CPXM2: variants seen among roughly 807,000 people sequenced by gnomAD.
CPXM2 encodes carboxypeptidase X, M14 family member 2.
In CPXM2, 66 loss-of-function variants were observed where a neutral mutation model predicts 86.1. That is an observed-to-expected ratio of 0.77 (90% CI 0.63 to 0.94). The LOEUF is 0.94. Among genes scored for constraint, CPXM2 ranks in the 40% least tolerant of loss-of-function variants. The pLI, the probability that CPXM2 is intolerant of heterozygous loss-of-function variation, is 0.00. For synonymous variants in CPXM2, 388 were observed against 400.2 expected (o/e 0.97, Z 0.36); for missense variants, 948 against 1,026.3 (o/e 0.92, Z 1.04).
chr10:123,851,094 T>C (rs569089153), intron 3 of CPXM2, among the ~76,000 whole-genome samples: 3 of 152,338 alleles, frequency 2.0e-5, no homozygotes, highest in East Asian at 1.9e-4. Flanking sequence ...TGACGACTAA[T>C]GGTGGAAAGC....
intron 4 of CPXM2, among the ~76,000 whole-genome samples, chr10:123,836,757 C>T (rs557482921): frequency 6.6e-6 from 1 of 152,342 alleles, no homozygotes; most frequent in African/African-American, 2.4e-5. Flanking sequence ...GCACTGCTCC[C>T]CACCTTAACT....
intron 4 of CPXM2, among the ~76,000 whole-genome samples, chr10:123,824,244 A>T (rs990021609): frequency 6.6e-6 from 1 of 152,216 alleles, no homozygotes; most frequent in Non-Finnish European, 1.5e-5. Flanking sequence ...TTCTAAATGT[A>T]TTGCCAATTG....
rs1454746251 is a variant in CPXM2 at position 123,746,856 on chromosome 10, G to A, written c.2179C>T (p.Arg727Ter). 3.7e-6 allele frequency: 6 copies of A among 1,613,994 alleles called. No homozygotes were observed. The highest frequency in any genetic ancestry group is 2.2e-5 in the South Asian group (2 of 91,074). ...TTCCCAAACTTCTCCATGATCTCTC[G>A]GATCCTGGCCATGTTGGTTTTGCTA... ...TLSKTNMARI[R>*]EIMEKFGKQP... Residue 727 changes from arginine (R) to a stop codon, truncating the protein, a stop_gained, in exon 14 of 14, where the codon CGA (arginine) becomes TGA (stop). Transcript: ENST00000241305. LOFTEE classifies it high-confidence loss of function.
rs559240905 is a variant in CPXM2, at chr10:123,805,037, C to A, written c.654-5838G>T. Among the ~76,000 whole-genome samples, 8 of 152,162 alleles carry A rather than the reference C, an allele frequency of 5.3e-5. No homozygotes were observed. The South Asian group carries it at 1.5e-3, about 28-fold the overall frequency. On this transcript the variant is annotated intron_variant, in intron 4 of 13. Transcript: ENST00000241305. ...CACATTCATTTTACATACTTGTCAT[C>A]TCAGAGTTCTAAGAGGACATCCATC...
intron 6 of CPXM2, among the ~76,000 whole-genome samples, chr10:123,780,473 C>T (rs558215735): frequency 9.9e-5 from 15 of 152,266 alleles, no homozygotes; most frequent in Admixed American, 2.6e-4. Context: ...TTCAAATCTC[C>T]GCTCTTCTAC....
intron 4 of CPXM2, among the ~76,000 whole-genome samples, chr10:123,826,037 CTGG>C (rs1331627844): frequency 2.6e-5 from 4 of 152,278 alleles, no homozygotes; most frequent in East Asian, 3.9e-4. Flanking sequence ...CAAACATCTA[CTGG>C]ATGGTGACGA....
chr10:123,863,782 C>T (rs1012375285), intron 2 of CPXM2, among the ~76,000 whole-genome samples: 3 of 152,214 alleles, frequency 2.0e-5, no homozygotes, highest in African/African-American at 7.2e-5. Flanking sequence ...GGCCCCTGAG[C>T]CCAGGTTATA....
At chr10:123,845,526 G>A (rs564674912) in intron 3 of CPXM2, among the ~76,000 whole-genome samples, 1 of 151,910 alleles carries the variant, frequency 6.6e-6, no homozygotes, top group African/African-American at 2.4e-5. Context: ...AAATAGAAAG[G>A]CTTTCTATTT....
chr10:123,879,752 C>T (rs553189977), intron 2 of CPXM2, among the ~76,000 whole-genome samples: 1 of 152,020 alleles, frequency 6.6e-6, no homozygotes, highest in Non-Finnish European at 1.5e-5. Flanking sequence ...ATTAAAGGTG[C>T]ACTATGTTCA....
At chr10:123,852,523 C>G (rs1564798091) in intron 3 of CPXM2, among the ~76,000 whole-genome samples, 1 of 152,206 alleles carries the variant, frequency 6.6e-6, no homozygotes, top group African/African-American at 2.4e-5. Flanking sequence ...CAAAAGTCAA[C>G]ACAGTGACTA....
chr10:123,910,483 A>G (rs1415342528), intron 2 of CPXM2, among the ~76,000 whole-genome samples: 1 of 151,944 alleles, frequency 6.6e-6, no homozygotes, highest in Non-Finnish European at 1.5e-5. Flanking sequence ...TCCCAGGGGG[A>G]GTTCTCCTGA....
chr10:123,895,121 C>CTTTTTTTTTTTTTTTTTTTTTTTTTTTT (rs869104432), upstream of CPXM2, among the ~76,000 whole-genome samples: 3 of 85,892 alleles, frequency 3.5e-5, no homozygotes, highest in Admixed American at 1.8e-4. Context: ...TCTTTTTTTT[C>CTTTTTTTTTTTTTTTTTTTTTTTTTTTT]TTTTTTTTTT....
rs1293502049 is a variant in CPXM2, at chr10:123,746,863, G to A, written c.2172C>T (p.Ala724=). Reference sequence around the variant, plus strand: ...ACTTCTCCATGATCTCTCGGATCCTGGCCATGTTGGTTTTGCTAAGTGTGA... The same window carrying A: ...ACTTCTCCATGATCTCTCGGATCCTAGCCATGTTGGTTTTGCTAAGTGTGA... ...CDFTLSKTNM[A]RIREIMEKFG... Residue 724 remains alanine (A), a synonymous_variant, in exon 14 of 14, where the codon GCC becomes GCT. Coordinates refer to ENST00000241305, the MANE Select transcript of CPXM2 (RefSeq NM_198148.3). 2 of 1,614,092 alleles carry A rather than the reference G, an allele frequency of 1.2e-6. 1 individual carries two copies. Among genetic ancestry groups the A allele is most frequent in the Admixed American group, 3.3e-5 (2 of 60,020 alleles).
At chr10:123,940,847 G>A (rs11493077), upstream of CPXM2, among the ~76,000 whole-genome samples, 43,346 of 151,876 alleles carry the variant, frequency 0.29, 6,452 homozygotes, top group Middle Eastern at 0.37. Context: ...TAGTGCTGCC[G>A]TCCAAAAGTG....
At chr10:123,870,367 G>A (rs79034032) in intron 2 of CPXM2, among the ~76,000 whole-genome samples, 18 of 152,304 alleles carry the variant, frequency 1.2e-4, no homozygotes, top group South Asian at 1.0e-3. Context: ...CTCAGAGTCC[G>A]AGGCCCTGTA....
chr10:123,886,405 A>G (rs1945179041), intron 1 of CPXM2, among the ~76,000 whole-genome samples: 1 of 152,228 alleles, frequency 6.6e-6, no homozygotes, highest in Non-Finnish European at 1.5e-5. Flanking sequence ...GGCTTACGGC[A>G]CACACAACAG....
chr10:123,857,610 G>A (rs890586175), intron 3 of CPXM2, among the ~76,000 whole-genome samples: 9 of 142,796 alleles, frequency 6.3e-5, no homozygotes, highest in East Asian at 2.3e-4. Flanking sequence ...GGAAGGCGGC[G>A]TGGAGATGGA....
At chr10:123,771,154 C>A (rs1238770796) in intron 7 of CPXM2, 115 bp from the exon 8 acceptor site, 2 of 844,602 alleles carry the variant, frequency 2.4e-6, no homozygotes, top group Non-Finnish European at 3.9e-6. Flanking sequence ...CAAGCGCCCC[C>A]ACATTCTGCA....
At chr10:123,798,614 T>A (rs1344991720) in intron 5 of CPXM2, among the ~76,000 whole-genome samples, 1 of 152,014 alleles carries the variant, frequency 6.6e-6, no homozygotes, top group Non-Finnish European at 1.5e-5. Flanking sequence ...GGGGTAAGAA[T>A]GAGAAAGAAG....
Sources: gnomAD v4.1 joint callset for allele counts (sites outside exome capture counted in the v4.1 genomes callset) on GRCh38, gnomAD v4.1.1 for gene constraint, MANE v1.5 for transcripts, NCBI Gene and HGNC (gene_info 2026-07-23, HGNC 2026-07-21) for gene names.